Variants in YTHDF1 observed in about 807,000 individuals in gnomAD.
The protein encoded by YTHDF1 is YTH N6-methyladenosine RNA binding protein F1.
In YTHDF1, 16 loss-of-function variants were observed where a neutral mutation model predicts 49.1. The ratio of observed to expected loss-of-function variants is 0.33; its 90% CI spans 0.22 to 0.49. The LOEUF (loss-of-function observed/expected upper bound fraction) is 0.49. Among genes scored for constraint, YTHDF1 ranks in the 20% least tolerant of loss-of-function variants. The pLI is 0.99. For missense variants in YTHDF1, 621 were observed against 744.3 expected (o/e 0.83, Z 1.93); for synonymous variants, 313 against 290.1 (o/e 1.08, Z -0.80).
At chr20:63,208,520 C>G (rs572148350) in intron 3 of YTHDF1, among the ~76,000 whole-genome samples, 192 of 152,366 alleles carry the variant, frequency 1.3e-3, no homozygotes, top group African/African-American at 4.5e-3. Flanking sequence ...GCTGCAATTT[C>G]AGCCCCTCAG....
intron 3 of YTHDF1, among the ~76,000 whole-genome samples, chr20:63,207,436 T>G (rs978302062): frequency 1.1e-4 from 17 of 151,884 alleles, no homozygotes; most frequent in Non-Finnish European, 2.2e-4. Context: ...GCCACTGCAC[T>G]CCAGCCTGGG....
At chr20:63,196,828 T>TG in intron 4 of YTHDF1, 94 bp from the exon 5 acceptor site, 1 of 1,475,304 alleles carries the variant, frequency 6.8e-7, no homozygotes, top group Non-Finnish European at 9.3e-7. Flanking sequence ...TAGCAGCACC[T>TG]GCAAATCTGG....
At chr20:63,199,042 CTACTT>C (rs1367680702) in intron 4 of YTHDF1, among the ~76,000 whole-genome samples, 6 of 152,354 alleles carry the variant, frequency 3.9e-5, no homozygotes, top group African/African-American at 1.4e-4. Context: ...AATGCTAACT[CTACTT>C]CACTTTCTCA....
intron 3 of YTHDF1, among the ~76,000 whole-genome samples, chr20:63,205,059 C>T (rs1002749738): frequency 2.6e-5 from 4 of 152,060 alleles, no homozygotes; most frequent in Admixed American, 6.6e-5. Context: ...CTGTGACGCC[C>T]GTTTTTGGAT....
chr20:63,203,365 A>T lies in YTHDF1; in HGVS notation c.575T>A (p.Ile192Asn). 2 of 1,613,090 alleles carry T rather than the reference A, an allele frequency of 1.2e-6. No individual in the cohort carries two copies. The highest frequency in any genetic ancestry group is 1.7e-6 in the Non-Finnish European group (2 of 1,179,740). Residue 192 changes from isoleucine to asparagine, a missense_variant, in exon 4 of 5, where the codon ATT (isoleucine) becomes AAT (asparagine). Physicochemically the swap from Ile to Asn is moderately radical, Grantham distance 149. Around this residue, in one of 2 missense-constraint regions of YTHDF1, gnomAD observed 470 missense variants for 495.8 expected, o/e 0.95. Transcript: ENST00000370339. The surrounding 1 kb of genome is among the most constrained non-coding windows in gnomAD (Gnocchi z 4.4). Reference protein sequence around the residue: ...SLEQGMVGLKIGDVSSSAVKT... With the variant: ...SLEQGMVGLKNGDVSSSAVKT... The stretch of plus-strand genomic sequence containing the variant: ...GACGGCGGAGGAGCTGACGTCCCCA[A>T]TCTTCAGGCCAACCATGCCCTGCTC...
chr20:63,208,688 G>A (rs1302745690), intron 3 of YTHDF1, among the ~76,000 whole-genome samples: 2 of 152,202 alleles, frequency 1.3e-5, no homozygotes, highest in Non-Finnish European at 2.9e-5. Flanking sequence ...AGCAGGCGCT[G>A]CCACTGGGTA....
At chr20:63,208,901 G>A (rs1198676835) in intron 3 of YTHDF1, among the ~76,000 whole-genome samples, 1 of 152,182 alleles carries the variant, frequency 6.6e-6, no homozygotes, top group African/African-American at 2.4e-5. Flanking sequence ...AAAACCTGAT[G>A]AGCAATTTCG....
intron 3 of YTHDF1, among the ~76,000 whole-genome samples, chr20:63,204,356 T>G (rs1461569563): frequency 2.6e-5 from 4 of 152,188 alleles, no homozygotes; most frequent in Non-Finnish European, 5.9e-5. Flanking sequence ...TGGGACACTC[T>G]CCCATACCTG....
rs576335072 is a variant in YTHDF1, at chr20:63,198,856, T to C, written c.1654-2122A>G. ...CTGAGGAACTAAGCAATGCTCACAGTGTGGGACGCTCACCACTTTCACTGT... is the reference window on the plus strand; with the variant it reads ...CTGAGGAACTAAGCAATGCTCACAGCGTGGGACGCTCACCACTTTCACTGT... On this transcript the variant is annotated intron_variant, in intron 4 of 4. Transcript: ENST00000370339. 2.6e-5 allele frequency among the ~76,000 whole-genome samples: 4 copies of C among 152,348 alleles called. No homozygotes were observed. The East Asian group carries it at 7.7e-4, about 29-fold the overall frequency.
rs556196897 is a variant in YTHDF1 at position 63,215,154 on chromosome 20, C to T, written c.52+423G>A. On this transcript the variant is annotated intron_variant, in intron 2 of 4. Transcript: ENST00000370339. The stretch of plus-strand genomic sequence containing the variant: ...GGGTTTATCCCAAGCCATAATGTCA[C>T]AGGAGATGCTAACAGACTTGGAAAA... 6.6e-5 allele frequency among the ~76,000 whole-genome samples: 10 copies of T among 152,328 alleles called. No homozygotes were observed. The South Asian group carries it at 2.1e-3, about 32-fold the overall frequency.
intron 2 of YTHDF1, among the ~76,000 whole-genome samples, chr20:63,214,483 C>T (rs375552433): frequency 1.3e-5 from 2 of 152,156 alleles, no homozygotes; most frequent in Non-Finnish European, 2.9e-5. Context: ...CATGATACAA[C>T]CTCAGGAGGT....
At chr20:63,207,648 C>T (rs1251987873) in intron 3 of YTHDF1, among the ~76,000 whole-genome samples, 1 of 152,200 alleles carries the variant, frequency 6.6e-6, no homozygotes, top group Non-Finnish European at 1.5e-5. Context: ...CTGCTGAACA[C>T]TTCCACATGC....
chr20:63,207,426 G>A (rs1372058132), intron 3 of YTHDF1, among the ~76,000 whole-genome samples: 1 of 151,918 alleles, frequency 6.6e-6, no homozygotes, highest in Non-Finnish European at 1.5e-5. Flanking sequence ...CCGAGATCGA[G>A]CCACTGCACT....
intron 3 of YTHDF1, among the ~76,000 whole-genome samples, chr20:63,206,050 G>A (rs1183636557): frequency 6.6e-6 from 1 of 152,180 alleles, no homozygotes; most frequent in Non-Finnish European, 1.5e-5. Context: ...GGGGCGGTCT[G>A]TGCACAGGAC....
In YTHDF1 at chr20:63,195,741, T is replaced by C. The variant is rs1046767245; in HGVS notation, c.*967A>G. The C allele has an allele frequency of 6.6e-6, 1 of 152,404 alleles. No individual in the cohort carries two copies. Among genetic ancestry groups the C allele is most frequent in the Admixed American group, 6.5e-5 (1 of 15,276 alleles). The allele number at this position is 152,404 out of a possible 1,614,324, so 9.4% of individuals were successfully genotyped here. A position where few individuals can be genotyped will look rare whatever the true frequency, so the allele number is the denominator to read the frequency against. ...TGGTAGTGAGCTCAACGGTCCCTCA[T>C]TCCACAAAACATGACAGCAAATTCA... On this transcript the variant is annotated 3_prime_UTR_variant, in exon 5 of 5. Transcript: ENST00000370339.
chr20:63,203,407 G>A lies in YTHDF1; in HGVS notation c.533C>T (p.Pro178Leu). ...GFHSDTLSKA[P>L]GMNSLEQGMV... ...GCCCTGCTCCAGGCTGTTCATCCCG[G>A]GGGCCTTGCTGAGGGTGTCGCTGTG... Residue 178 changes from proline to leucine, a missense_variant, in exon 4 of 5, where the codon CCC becomes CTC. Physicochemically the swap from Pro to Leu is moderately conservative, Grantham distance 98. Around this residue, in one of 2 missense-constraint regions of YTHDF1, gnomAD observed 470 missense variants for 495.8 expected, o/e 0.95. Coordinates refer to ENST00000370339, the MANE Select transcript of YTHDF1 (RefSeq NM_017798.4). This position sits in a 1 kb window ranked among gnomAD's most constrained non-coding sequence, Gnocchi z 4.4. 3.7e-6 allele frequency: 6 copies of A among 1,613,068 alleles called. No individual in the cohort carries two copies. The highest frequency in any genetic ancestry group is 5.1e-6 in the Non-Finnish European group (6 of 1,179,782).
chr20:63,199,777 C>T lies in YTHDF1; in HGVS notation c.1653+2510G>A, dbSNP rs552777160. ...CCCAATAAGCTTAAAAGATATTTGA[C>T]GCCGGGCACAGTGGCTCATTCCTAT... On this transcript the variant is annotated intron_variant, in intron 4 of 4. Transcript: ENST00000370339. Among the ~76,000 whole-genome samples the T allele has an allele frequency of 5.3e-5, 8 of 152,018 alleles. No homozygotes were observed. The South Asian group carries it at 1.2e-3, about 24-fold the overall frequency.
intron 3 of YTHDF1, among the ~76,000 whole-genome samples, chr20:63,204,009 C>T (rs1036951835): frequency 6.6e-6 from 1 of 152,180 alleles, no homozygotes; most frequent in Non-Finnish European, 1.5e-5. Context: ...AACCAGGGTG[C>T]CGTCTCAAAA....
chr20:63,205,953 T>G (rs1465892824), intron 3 of YTHDF1, among the ~76,000 whole-genome samples: 1 of 151,646 alleles, frequency 6.6e-6, no homozygotes, highest in Non-Finnish European at 1.5e-5. Flanking sequence ...CAAAACAGTT[T>G]CCATGATGCT....
Sources: allele counts gnomAD v4.1 joint callset (sites outside exome capture counted in the v4.1 genomes callset), GRCh38; gene constraint gnomAD v4.1.1; regional missense constraint gnomAD v4.1.1; non-coding constraint Gnocchi (gnomAD v3.1); transcripts MANE v1.5; gene names NCBI Gene and HGNC (gene_info 2026-07-23, HGNC 2026-07-21).